IFT56: variants seen among roughly 807,000 people sequenced by gnomAD.
IFT56 encodes the protein intraflagellar transport 56.
chr7:139,139,812 A>G, the IFT56 span: 1 of 890,982 alleles, frequency 1.1e-6, no homozygotes, highest in Non-Finnish European at 1.8e-6. Flanking sequence ...TCAGTATGAA[A>G]TCCTATTCCA....
At chr7:139,191,236 T>C in the IFT56 span, 3 of 152,238 alleles carry the variant, frequency 2.0e-5, no homozygotes, top group Non-Finnish European at 4.4e-5. Flanking sequence ...ACATCTTTTT[T>C]CATATGCCAA....
At chr7:139,182,520 A>T in the IFT56 span, among the ~76,000 whole-genome samples, 1 of 152,198 alleles carries the variant, frequency 6.6e-6, no homozygotes, top group Non-Finnish European at 1.5e-5. Context: ...CAGCAGAGAT[A>T]ACAGAAGTAG....
chr7:139,168,448 G>A, the IFT56 span: 2 of 1,398,692 alleles, frequency 1.4e-6, no homozygotes, highest in African/African-American at 1.4e-5. Context: ...ATAAGTGTAT[G>A]GAAGAGAACA....
the IFT56 span, among the ~76,000 whole-genome samples, chr7:139,186,449 T>A: frequency 7.3e-5 from 11 of 151,576 alleles, no homozygotes; most frequent in Admixed American, 1.3e-4. Flanking sequence ...AGAATAAAAA[T>A]TTTTTTTAAA....
At chr7:139,175,040 GAAA>G in the IFT56 span, among the ~76,000 whole-genome samples, 4 of 91,806 alleles carry the variant, frequency 4.4e-5, no homozygotes, top group African/African-American at 5.2e-4. Flanking sequence ...AAGAAAGAAA[GAAA>G]AAAAAAGACA....
the IFT56 span, among the ~76,000 whole-genome samples, chr7:139,158,453 G>C: frequency 6.6e-6 from 1 of 152,172 alleles, no homozygotes; most frequent in Admixed American, 6.5e-5. Context: ...GATTTTTAAA[G>C]ATATCCTTTA....
At chr7:139,183,333 A>T in the IFT56 span, among the ~76,000 whole-genome samples, 1 of 152,214 alleles carries the variant, frequency 6.6e-6, no homozygotes, top group African/African-American at 2.4e-5. Flanking sequence ...AGTTATACTC[A>T]TGGCTAAAAT....
the IFT56 span, among the ~76,000 whole-genome samples, chr7:139,183,591 G>C: frequency 1.8e-4 from 28 of 151,502 alleles, no homozygotes; most frequent in African/African-American, 6.1e-4. Flanking sequence ...TATTGAGAGA[G>C]TGGATTAAAA....
chr7:139,157,851 A>G, the IFT56 span, among the ~76,000 whole-genome samples: 5 of 152,130 alleles, frequency 3.3e-5, no homozygotes, highest in African/African-American at 9.7e-5. Flanking sequence ...GCTTCTAGCT[A>G]TCTTAATGTA....
chr7:139,148,187 T>A, the IFT56 span: 1 of 1,594,412 alleles, frequency 6.3e-7, no homozygotes, highest in Non-Finnish European at 8.6e-7. Context: ...TGGTTAACCC[T>A]AATTCTTTCA....
chr7:139,168,319 A>T, the IFT56 span: 1 of 1,527,944 alleles, frequency 6.5e-7, no homozygotes, highest in Non-Finnish European at 8.9e-7. Flanking sequence ...CATTCCTCTT[A>T]ATCAGTGTTA....
the IFT56 span, among the ~76,000 whole-genome samples, chr7:139,158,723 G>A: frequency 3.3e-5 from 5 of 152,042 alleles, no homozygotes; most frequent in South Asian, 8.3e-4. Flanking sequence ...AGACCAGCCC[G>A]GACAACACAG....
At chr7:139,143,143 A>C in the IFT56 span, among the ~76,000 whole-genome samples, 1 of 152,148 alleles carries the variant, frequency 6.6e-6, no homozygotes, top group African/African-American at 2.4e-5. Context: ...TAAAAATGTC[A>C]TTCTGAACAT....
the IFT56 span, among the ~76,000 whole-genome samples, chr7:139,162,922 G>T: frequency 6.6e-6 from 1 of 150,972 alleles, no homozygotes; most frequent in Admixed American, 6.6e-5. Flanking sequence ...TTGCACCACT[G>T]CACTCCAGCC....
At chr7:139,179,038 G>A in the IFT56 span, among the ~76,000 whole-genome samples, 1 of 152,294 alleles carries the variant, frequency 6.6e-6, no homozygotes, top group South Asian at 2.1e-4. Flanking sequence ...ATGACTATCA[G>A]TATGTTTCTT....
the IFT56 span, among the ~76,000 whole-genome samples, chr7:139,166,250 G>A: frequency 3.3e-5 from 5 of 152,130 alleles, no homozygotes; most frequent in Non-Finnish European, 7.4e-5. Context: ...GAGCCACCGT[G>A]CCCGGCCTCT....
the IFT56 span, chr7:139,148,219 C>T: frequency 1.2e-6 from 2 of 1,611,526 alleles, no homozygotes; most frequent in South Asian, 1.1e-5. Flanking sequence ...ATACCTTGCC[C>T]TTAATGTTTA....
chr7:139,151,823 A>G, the IFT56 span, among the ~76,000 whole-genome samples: 1 of 152,118 alleles, frequency 6.6e-6, no homozygotes, highest in Non-Finnish European at 1.5e-5. Context: ...GAACTTTGGG[A>G]GGCCAAGGTG....
chr7:139,189,155 C>T, the IFT56 span, among the ~76,000 whole-genome samples: 1 of 152,172 alleles, frequency 6.6e-6, no homozygotes, highest in African/African-American at 2.4e-5. Context: ...ACAATAAGAA[C>T]ATAAGGCTAG....
Sources: allele counts gnomAD v4.1 joint callset (sites outside exome capture counted in the v4.1 genomes callset), GRCh38; gene constraint gnomAD v4.1.1; transcripts MANE v1.5; gene names NCBI Gene and HGNC (gene_info 2026-07-23, HGNC 2026-07-21).